The following MAN1A1 variants were observed in gnomAD, a reference collection of about 807,000 sequenced individuals.
The protein encoded by MAN1A1 is mannosidase alpha class 1A member 1, also known as mannosyl-oligosaccharide 1,2-alpha-mannosidase IA.
Under a neutral mutation model 70.8 loss-of-function variants are expected in MAN1A1, and 29 were observed. That is an observed-to-expected ratio of 0.41 (90% CI 0.31 to 0.56). The LOEUF (loss-of-function observed/expected upper bound fraction) is 0.56. Among genes scored for constraint, MAN1A1 ranks in the 20% least tolerant of loss-of-function variants. The probability of loss-of-function intolerance (pLI) is 0.29; values close to 1 mark genes in which losing one functional copy is unlikely to be tolerated. For missense variants in MAN1A1, 747 were observed against 841.3 expected, an observed-to-expected ratio of 0.89 and a Z score of 1.39; for synonymous variants, 349 against 330.1, an observed-to-expected ratio of 1.06 and a Z score of -0.62.
intron 5 of MAN1A1, among the ~76,000 whole-genome samples, chr6:119,279,889 C>A (rs1002983627): frequency 6.6e-6 from 1 of 152,194 alleles, no homozygotes; most frequent in Non-Finnish European, 1.5e-5. Context: ...TACTGAAGTA[C>A]CCTCCATAAA....
chr6:119,234,784 C>T (rs1298298475), intron 6 of MAN1A1, among the ~76,000 whole-genome samples: 1 of 152,118 alleles, frequency 6.6e-6, no homozygotes, highest in Non-Finnish European at 1.5e-5. Context: ...TTTTACTGCA[C>T]TTTGCTTTAT....
intron 2 of MAN1A1, among the ~76,000 whole-genome samples, chr6:119,342,189 C>T (rs187030581): frequency 1.3e-5 from 2 of 151,862 alleles, no homozygotes; most frequent in South Asian, 2.1e-4. Context: ...CAGAGTTGAC[C>T]GTAGCAAAAT....
At chr6:119,276,912 T>G (rs17527003) in intron 5 of MAN1A1, among the ~76,000 whole-genome samples, 6,282 of 152,200 alleles carry the variant, frequency 0.041, 149 homozygotes, top group African/African-American at 0.054. Context: ...CTACCTAATG[T>G]CAAGAATGAA....
At chr6:119,297,701 A>T (rs1004310210) in intron 4 of MAN1A1, among the ~76,000 whole-genome samples, 9 of 147,302 alleles carry the variant, frequency 6.1e-5, no homozygotes, top group African/African-American at 1.8e-4. Context: ...CTATCATAAT[A>T]CTTGGTATGT....
At chr6:119,304,327 G>GGGGATTCAGAGAGACACA (rs1348346944) in intron 3 of MAN1A1, among the ~76,000 whole-genome samples, 2 of 152,144 alleles carry the variant, frequency 1.3e-5, no homozygotes, top group African/African-American at 2.4e-5. Context: ...GAGAGACACT[G>GGGGATTCAGAGAGACACA]GAGGGAATAT....
At chr6:119,346,215 A>G (rs1435472166) in intron 2 of MAN1A1, among the ~76,000 whole-genome samples, 1 of 150,114 alleles carries the variant, frequency 6.7e-6, no homozygotes, top group Non-Finnish European at 1.5e-5. Context: ...CCAAATACGT[A>G]AAGTTAAAGT....
chr6:119,243,978 T>C (rs1311977468), intron 6 of MAN1A1, among the ~76,000 whole-genome samples: 1 of 151,972 alleles, frequency 6.6e-6, no homozygotes, highest in Non-Finnish European at 1.5e-5. Context: ...AGTGATAAAA[T>C]AGTGTATAGC....
intron 5 of MAN1A1, among the ~76,000 whole-genome samples, chr6:119,267,370 T>C (rs1582750269): frequency 2.6e-5 from 4 of 152,182 alleles, no homozygotes; most frequent in South Asian, 4.1e-4. Context: ...TGAAATATAA[T>C]CTGTAATTTA....
intron 6 of MAN1A1, among the ~76,000 whole-genome samples, chr6:119,213,063 AT>A (rs1341716105): frequency 6.6e-6 from 1 of 152,182 alleles, no homozygotes; most frequent in East Asian, 1.9e-4. Context: ...TTAGGGTGTA[AT>A]TTTTAAGCTG....
chr6:119,194,113 A>T (rs1773507663), intron 8 of MAN1A1, among the ~76,000 whole-genome samples: 1 of 152,232 alleles, frequency 6.6e-6, no homozygotes, highest in South Asian at 2.1e-4. Flanking sequence ...GTAGTTTTGT[A>T]AACATGGAAG....
chr6:119,223,426 A>G (rs937567462), intron 6 of MAN1A1, among the ~76,000 whole-genome samples: 3 of 152,158 alleles, frequency 2.0e-5, no homozygotes, highest in African/African-American at 7.2e-5. Context: ...AAGTAACCTT[A>G]CATTTCATAG....
Position 119,177,630 on chromosome 6 carries a change from A to G in MAN1A1, c.*2189T>C, listed in dbSNP as rs1773040749. 1 of 152,098 alleles carries G rather than the reference A, an allele frequency of 6.6e-6. No homozygotes were observed. 9.4% of individuals were successfully genotyped at this position (152,098 alleles called of 1,614,324 possible). On this transcript the variant is annotated 3_prime_UTR_variant, in exon 13 of 13. Coordinates refer to ENST00000368468, the MANE Select transcript of MAN1A1 (RefSeq NM_005907.4). ...AATATAACTTTAATTAAATTACATC[A>G]CTACAATATTAATCTCTTATCTTGT...
chr6:119,336,860 C>T lies in MAN1A1; in HGVS notation c.603+11603G>A, dbSNP rs143705737. Among the ~76,000 whole-genome samples, 963 of 151,774 alleles carry T rather than the reference C, an allele frequency of 6.3e-3. 7 individuals carry two copies. Among genetic ancestry groups the T allele is most frequent in the African/African-American group, 0.022 (911 of 41,378 alleles). On this transcript the variant is annotated intron_variant, in intron 2 of 12. Transcript: ENST00000368468. The stretch of plus-strand genomic sequence containing the variant: ...GTATATCCTGTATAAAATTGAAATA[C>T]AAGAAAAATGGCAACCCTTATTAAA...
At chr6:119,269,293 C>T in intron 5 of MAN1A1, 1 of 289,384 alleles carries the variant, frequency 3.5e-6, no homozygotes, top group Non-Finnish European at 6.9e-6. Context: ...CCTGGTACTT[C>T]CAGCCAAACT....
chr6:119,349,452 A>AAG, intron 1 of MAN1A1, 90 bp downstream of exon 1: 1 of 923,582 alleles, frequency 1.1e-6, no homozygotes, highest in Non-Finnish European at 1.3e-6. Context: ...ACTTGGGGTG[A>AAG]AGTTATCAGG....
At chr6:119,213,001 T>C (rs1774095040) in intron 6 of MAN1A1, among the ~76,000 whole-genome samples, 3 of 152,184 alleles carry the variant, frequency 2.0e-5, no homozygotes, top group Admixed American at 6.5e-5. Flanking sequence ...GATGAATTAA[T>C]ATGAAGCGAG....
intron 6 of MAN1A1, among the ~76,000 whole-genome samples, chr6:119,209,090 CAA>C (rs34328766): frequency 1.6e-4 from 14 of 89,090 alleles, no homozygotes; most frequent in African/African-American, 4.0e-4. Flanking sequence ...GACCCCGTCT[CAA>C]AAAAAAAAAA....
chr6:119,339,016 C>T (rs1239978272), intron 2 of MAN1A1, among the ~76,000 whole-genome samples: 1 of 152,166 alleles, frequency 6.6e-6, no homozygotes, highest in Admixed American at 6.5e-5. Flanking sequence ...CTCTATCTTC[C>T]TCCTTTCAAA....
intron 5 of MAN1A1, 43 bp downstream of exon 5, chr6:119,290,640 A>C (rs1776510832): frequency 7.1e-7 from 1 of 1,406,192 alleles, no homozygotes; most frequent in South Asian, 1.2e-5. Flanking sequence ...ATGTAGTTTA[A>C]GACACTTTAT....
Sources: gnomAD v4.1 joint callset for allele counts (sites outside exome capture counted in the v4.1 genomes callset) on GRCh38, gnomAD v4.1.1 for gene constraint, MANE v1.5 for transcripts, NCBI Gene and HGNC (gene_info 2026-07-23, HGNC 2026-07-21) for gene names.